Variants in FLNB observed in about 807,000 individuals in gnomAD.
The protein encoded by FLNB is filamin B, also known as filamin-B.
Under a neutral mutation model 250.6 loss-of-function variants are expected in FLNB, and 111 were observed. The ratio of observed to expected loss-of-function variants is 0.44; its 90% CI spans 0.38 to 0.52. The LOEUF is 0.52. Among genes scored for constraint, FLNB ranks in the 20% least tolerant of loss-of-function variants. The probability of loss-of-function intolerance (pLI) is 0.00; values close to 1 mark genes in which losing one functional copy is unlikely to be tolerated. For synonymous variants in FLNB, 1,302 were observed against 1,372.1 expected (o/e 0.95, Z 1.13); for missense variants, 2,869 against 3,447.8 (o/e 0.83, Z 4.20).
chr3:58,084,400 G>C (rs758237397), intron 4 of FLNB, among the ~76,000 whole-genome samples: 1 of 152,068 alleles, frequency 6.6e-6, no homozygotes, highest in East Asian at 1.9e-4. Context: ...TGGCCATCCG[G>C]CTTCCCTGTT....
chr3:58,123,861 T>A (rs2097293246), intron 21 of FLNB, among the ~76,000 whole-genome samples, 171 bp downstream of exon 21: 1 of 152,054 alleles, frequency 6.6e-6, no homozygotes, highest in Non-Finnish European at 1.5e-5. Context: ...CTGGTGAAGG[T>A]TAAGCACATT....
At position 58,169,408 on chromosome 3, in the gene FLNB, T is replaced by G; in HGVS notation, c.7418-182T>G. The G allele has an allele frequency of 1.6e-6, 1 of 634,246 alleles. No individual in the cohort carries two copies. Among genetic ancestry groups the G allele is most frequent in the Non-Finnish European group, 2.9e-6 (1 of 346,460 alleles). The allele number at this position is 634,246 out of a possible 1,614,324, so 39.3% of individuals were successfully genotyped here. On this transcript the variant is annotated intron_variant, in intron 44 of 45. Transcript: ENST00000295956. The surrounding 1 kb of genome is among the most constrained non-coding windows in gnomAD (Gnocchi z 4.8). Reference sequence around the variant, plus strand: ...CCCAGAAAGCCAGATCCTAGTTGTATGGGGGTGGGATCCTAGGGGTTTAGA... The same window carrying G: ...CCCAGAAAGCCAGATCCTAGTTGTAGGGGGGTGGGATCCTAGGGGTTTAGA...
chr3:58,108,711 T>C (rs1442967207), intron 13 of FLNB, 140 bp downstream of exon 13: 1 of 674,776 alleles, frequency 1.5e-6, no homozygotes, highest in Non-Finnish European at 2.7e-6. Context: ...CTTATAGGGT[T>C]ATGTGAGGGT....
chr3:58,159,380 T>G (rs1231992414), intron 41 of FLNB, among the ~76,000 whole-genome samples, 174 bp from the exon 42 acceptor site: 1 of 152,336 alleles, frequency 6.6e-6, no homozygotes, highest in Non-Finnish European at 1.5e-5. Flanking sequence ...GATGCACGTC[T>G]CTGCTATCTT....
chr3:58,097,797 C>T lies in FLNB; in HGVS notation c.985-18C>T, dbSNP rs1325672200. The T allele has an allele frequency of 6.2e-7, 1 of 1,612,630 alleles. No individual in the cohort carries two copies. The highest frequency in any genetic ancestry group is 8.5e-7 in the Non-Finnish European group (1 of 1,179,108). Reference sequence around the variant, plus strand: ...CAGAGAAGTGATTATGTATTTCTCACCTATCTGTCACCTATAGGTCACAGT... The same window carrying T: ...CAGAGAAGTGATTATGTATTTCTCATCTATCTGTCACCTATAGGTCACAGT... On this transcript the variant is annotated intron_variant, in intron 6 of 45. Coordinates refer to ENST00000295956, the MANE Select transcript of FLNB (RefSeq NM_001457.4).
chr3:58,170,921 G>C lies in FLNB; in HGVS notation c.*159G>C. 1 of 669,392 alleles carries C rather than the reference G, an allele frequency of 1.5e-6. No individual in the cohort carries two copies. The highest frequency in any genetic ancestry group is 2.6e-6 in the Non-Finnish European group (1 of 384,934). The allele number at this position is 669,392 out of a possible 1,614,324, so 41.5% of individuals were successfully genotyped here. A position where few individuals can be genotyped will look rare whatever the true frequency, so the allele number is the denominator to read the frequency against. On this transcript the variant is annotated 3_prime_UTR_variant, in exon 46 of 46. Transcript: ENST00000295956. ...GCCTTCAGAAATAAGTCCTAGACTG[G>C]ACTCTTGAGGGACATATTGGAGAAT...
At position 58,098,820 on chromosome 3, in the gene FLNB, A is replaced by C; in HGVS notation, c.1257A>C (p.Lys419Asn). 1 of 1,614,036 alleles carries C rather than the reference A, an allele frequency of 6.2e-7. No individual in the cohort carries two copies. The highest frequency in any genetic ancestry group is 2.2e-5 in the East Asian group (1 of 44,876). The stretch of plus-strand genomic sequence containing the variant: ...ACCAGGTGTATCGATGTGTGTACAA[A>C]CCCATGCAGCCTGGCCCTCACGTGG... ...KGNQVYRCVYKPMQPGPHVVK... is the reference protein window; with the variant it reads ...KGNQVYRCVYNPMQPGPHVVK... The change falls in exon 8 of 46, where the codon AAA becomes AAC. Residue 419 changes from lysine to asparagine, a missense_variant. Coordinates refer to ENST00000295956, the MANE Select transcript of FLNB (RefSeq NM_001457.4).
At chr3:58,038,706 G>A (rs2097141671) in intron 1 of FLNB, among the ~76,000 whole-genome samples, 1 of 151,952 alleles carries the variant, frequency 6.6e-6, no homozygotes, top group Non-Finnish European at 1.5e-5. Context: ...GGGATTACAG[G>A]AGCGAGCCAC....
In FLNB at chr3:58,159,641, C is replaced by A; in HGVS notation, c.6976C>A (p.Pro2326Thr). 6.2e-7 allele frequency: 1 copy of A among 1,613,978 alleles called. No individual in the cohort carries two copies. The highest frequency in any genetic ancestry group is 1.1e-5 in the South Asian group (1 of 91,072). The change falls in exon 42 of 46, where the codon CCC (proline) becomes ACC (threonine). Residue 2326 changes from proline to threonine, a missense_variant. Physicochemically the swap from Pro to Thr is conservative, Grantham distance 38. Coordinates refer to ENST00000295956, the MANE Select transcript of FLNB (RefSeq NM_001457.4). ...CAAGATTGATGCAAAGGTGCACAGC[C>A]CCTCTGGAGCCGTGGAGGAGTGCCA... Reference protein sequence around the residue: ...KGKIDAKVHSPSGAVEECHVS... With the variant: ...KGKIDAKVHSTSGAVEECHVS...
chr3:58,135,925 A>C (rs1377663944), intron 27 of FLNB, 54 bp from the exon 28 acceptor site: 1 of 1,569,090 alleles, frequency 6.4e-7, no homozygotes, highest in East Asian at 2.2e-5. Flanking sequence ...GTTTTCCATG[A>C]ATGTTTTCTA....
At position 58,169,484 on chromosome 3, in the gene FLNB, G is replaced by A. The variant is rs1030841935; in HGVS notation, c.7418-106G>A. The stretch of plus-strand genomic sequence containing the variant: ...TGTGGTGGCTTTTGTGTTGGGGTGC[G>A]CGGGCTCTCCTGGGGTTACTGTGTA... On this transcript the variant is annotated intron_variant, in intron 44 of 45. Coordinates refer to ENST00000295956, the MANE Select transcript of FLNB (RefSeq NM_001457.4). The surrounding 1 kb of genome is among the most constrained non-coding windows in gnomAD (Gnocchi z 4.8). The A allele has an allele frequency of 3.0e-5, 26 of 873,146 alleles. No individual in the cohort carries two copies. Among genetic ancestry groups the A allele is most frequent in the African/African-American group, 2.0e-4 (12 of 60,842 alleles). 54.1% of individuals were successfully genotyped at this position (873,146 alleles called of 1,614,324 possible).
chr3:58,055,784 T>A (rs1341064576), intron 1 of FLNB, among the ~76,000 whole-genome samples: 1 of 152,172 alleles, frequency 6.6e-6, no homozygotes, highest in Non-Finnish European at 1.5e-5. Context: ...ATAATATACA[T>A]GGAATTGCAA....
chr3:58,049,700 G>A (rs1448990805), intron 1 of FLNB, among the ~76,000 whole-genome samples: 1 of 152,180 alleles, frequency 6.6e-6, no homozygotes, highest in East Asian at 1.9e-4. Flanking sequence ...CACGGCCTGT[G>A]ATTACACTGT....
intron 44 of FLNB, 40 bp downstream of exon 44, chr3:58,168,698 G>C: frequency 1.4e-6 from 2 of 1,432,452 alleles, no homozygotes; most frequent in Non-Finnish European, 2.0e-6. Context: ...TCCCTTCCTG[G>C]GGAGCTGGTT....
chr3:58,170,717 G>A lies in FLNB; in HGVS notation c.7764G>A (p.Gly2588=), dbSNP rs2097381293. 6.2e-7 allele frequency: 1 copy of A among 1,614,144 alleles called. No individual in the cohort carries two copies. The highest frequency in any genetic ancestry group is 8.5e-7 in the Non-Finnish European group (1 of 1,180,026). ...ATTATGTGCTGGCTGTGAAGTGGGG[G>A]GAGGAACACATCCCTGGCAGCCCTT... ...RGDYVLAVKW[G]EEHIPGSPFH... The change falls in exon 46 of 46, where the codon GGG becomes GGA. Residue 2588 remains glycine (G), a synonymous_variant. Transcript: ENST00000295956.
Position 58,098,763 on chromosome 3 carries a change from C to T in FLNB, c.1200C>T (p.Asn400=), listed in dbSNP as rs1209905909. ...GVEVEDPQGK[N]TVELLVEDKG... ...AGGTGGAAGATCCCCAGGGGAAGAA[C>T]ACCGTGGAGTTGCTCGTGGAAGACA... The change falls in exon 8 of 46, where the codon AAC becomes AAT. Residue 400 remains asparagine (N), a synonymous_variant. Coordinates refer to ENST00000295956, the MANE Select transcript of FLNB (RefSeq NM_001457.4). 1.2e-6 allele frequency: 2 copies of T among 1,614,034 alleles called. No homozygotes were observed. The highest frequency in any genetic ancestry group is 2.7e-5 in the African/African-American group (2 of 74,908).
intron 24 of FLNB, among the ~76,000 whole-genome samples, chr3:58,130,062 C>T (rs567290981): frequency 3.9e-5 from 6 of 152,308 alleles, no homozygotes; most frequent in South Asian, 4.1e-4. Flanking sequence ...CTCAGGAAGA[C>T]GGCAAGGCTT....
chr3:58,102,364 T>C (rs2097252478), intron 9 of FLNB, 24 bp downstream of exon 9: 2 of 1,613,720 alleles, frequency 1.2e-6, no homozygotes, highest in African/African-American at 2.7e-5. Context: ...TGTTTCTCTA[T>C]CTCAGGTGTG....
At chr3:58,118,169 G>T (rs555699249) in intron 18 of FLNB, among the ~76,000 whole-genome samples, 1 of 152,212 alleles carries the variant, frequency 6.6e-6, no homozygotes, top group Admixed American at 6.5e-5. Context: ...CCGGCCACCC[G>T]TGAGGGTGCC....
Sources: allele counts gnomAD v4.1 joint callset (sites outside exome capture counted in the v4.1 genomes callset), GRCh38; gene constraint gnomAD v4.1.1; non-coding constraint Gnocchi (gnomAD v3.1); transcripts MANE v1.5; gene names NCBI Gene and HGNC (gene_info 2026-07-23, HGNC 2026-07-21).